The following RANBP2 variants were observed in gnomAD, a reference collection of about 807,000 sequenced individuals.
RANBP2 encodes the protein E3 SUMO-protein ligase RanBP2.
Under a neutral mutation model 303.6 loss-of-function variants are expected in RANBP2, and 57 were observed. That is an observed-to-expected ratio of 0.19 (90% CI 0.15 to 0.23). The LOEUF (loss-of-function observed/expected upper bound fraction) is 0.23, where lower values mean the gene tolerates loss of function less well. RANBP2 is among the 10% of genes least tolerant of loss of function. The pLI is 1.00. For missense variants in RANBP2, 3,138 were observed against 3,780.8 expected (o/e 0.83, Z 4.46); for synonymous variants, 1,167 against 1,301.5 (o/e 0.90, Z 2.23).
the RANBP2 span, among the ~76,000 whole-genome samples, chr2:109,623,375 G>A: frequency 6.6e-6 from 1 of 152,126 alleles, no homozygotes; most frequent in Non-Finnish European, 1.5e-5. Flanking sequence ...TCTCCAGAGG[G>A]GATATCTCAG....
chr2:108,771,327 C>A (rs1242886884), intron 20 of RANBP2, among the ~76,000 whole-genome samples: 1 of 152,006 alleles, frequency 6.6e-6, no homozygotes, highest in Admixed American at 6.6e-5. Context: ...TCAATTGCTG[C>A]AAATGCATGG....
the RANBP2 span, among the ~76,000 whole-genome samples, chr2:109,525,050 C>G: frequency 0.046 from 7,009 of 151,350 alleles, 552 homozygotes; most frequent in African/African-American, 0.16. Flanking sequence ...AACACTTTCC[C>G]ATGGTGGGCA....
the RANBP2 span, among the ~76,000 whole-genome samples, chr2:108,899,516 C>T: frequency 6.6e-6 from 1 of 152,166 alleles, no homozygotes; most frequent in Non-Finnish European, 1.5e-5. Context: ...AATATGGGCA[C>T]ATACAATAGA....
the RANBP2 span, among the ~76,000 whole-genome samples, chr2:109,587,734 A>G: frequency 3.0e-4 from 45 of 152,290 alleles, no homozygotes; most frequent in Non-Finnish European, 5.9e-4. Context: ...TAACACGGTG[A>G]AACCCTGTGT....
the RANBP2 span, among the ~76,000 whole-genome samples, chr2:108,930,524 A>C: frequency 6.6e-6 from 1 of 152,114 alleles, no homozygotes; most frequent in African/African-American, 2.4e-5. Flanking sequence ...AGTTCTCCTC[A>C]TCAACGCACT....
At chr2:109,054,784 C>A in the RANBP2 span, among the ~76,000 whole-genome samples, 34 of 152,044 alleles carry the variant, frequency 2.2e-4, no homozygotes, top group African/African-American at 8.2e-4. Flanking sequence ...AGACGTGGAG[C>A]GTTCCCATCA....
At chr2:108,910,357 C>G in the RANBP2 span, 20 of 939,722 alleles carry the variant, frequency 2.1e-5, 1 homozygote, top group South Asian at 2.7e-4. Flanking sequence ...CCCATAGTGT[C>G]CCAGGCTAGC....
rs781381296 is a variant in RANBP2 at position 108,755,213 on chromosome 2, A to G, written c.2420A>G (p.Gln807Arg). The change falls in exon 17 of 29, where the codon CAG (glutamine) becomes CGG (arginine). Residue 807 changes from glutamine (Q) to arginine (R), a missense_variant. By Grantham distance (43) the Gln-to-Arg change is conservative. Around this residue, in one of 20 missense-constraint regions of RANBP2, gnomAD observed 194 missense variants for 197.4 expected, o/e 0.98. Transcript: ENST00000283195. ...PKTPPRWAEDQNSLLKMICQQ... is the reference protein window; with the variant it reads ...PKTPPRWAEDRNSLLKMICQQ... ...ACACCACCTCGATGGGCAGAAGATC[A>G]GAATTCTTTACTGAAAATGATTTGC... 4.3e-6 allele frequency: 7 copies of G among 1,611,848 alleles called. No individual in the cohort carries two copies. The highest frequency in any genetic ancestry group is 4.0e-5 in the African/African-American group (3 of 74,828).
At chr2:109,570,791 G>A in the RANBP2 span, among the ~76,000 whole-genome samples, 8 of 151,904 alleles carry the variant, frequency 5.3e-5, no homozygotes, top group Admixed American at 5.3e-4. Flanking sequence ...GAAAGTGCTG[G>A]GATTACAAGC....
chr2:108,801,944 T>A, the RANBP2 span, among the ~76,000 whole-genome samples: 1 of 57,002 alleles, frequency 1.8e-5, no homozygotes, highest in East Asian at 1.0e-3. Flanking sequence ...GTTGTAGGTA[T>A]GCGGCGTTAT....
At chr2:108,791,421 A>G in the RANBP2 span, 1 of 461,804 alleles carries the variant, frequency 2.2e-6, no homozygotes, top group Non-Finnish European at 4.1e-6. Context: ...GCTGTAGAAT[A>G]TACCACAGGT....
the RANBP2 span, among the ~76,000 whole-genome samples, chr2:108,981,496 C>T: frequency 6.6e-6 from 1 of 152,210 alleles, no homozygotes; most frequent in Admixed American, 6.5e-5. Flanking sequence ...ATTTTCCGCT[C>T]TAGCTCCCAG....
At chr2:109,389,501 T>A in the RANBP2 span, among the ~76,000 whole-genome samples, 1 of 152,136 alleles carries the variant, frequency 6.6e-6, no homozygotes, top group Admixed American at 6.5e-5. Context: ...ATGCCAATAT[T>A]TATTCTATTC....
the RANBP2 span, among the ~76,000 whole-genome samples, chr2:109,352,885 A>G: frequency 1.3e-5 from 2 of 152,252 alleles, no homozygotes; most frequent in African/African-American, 4.8e-5. Flanking sequence ...AACTGCACAG[A>G]TAACCGTTTT....
chr2:108,827,124 T>G, the RANBP2 span, among the ~76,000 whole-genome samples: 1 of 152,182 alleles, frequency 6.6e-6, no homozygotes, highest in African/African-American at 2.4e-5. Flanking sequence ...TATTTAACAT[T>G]ATTCTAAAGC....
At chr2:109,692,242 G>T in the RANBP2 span, among the ~76,000 whole-genome samples, 1 of 150,536 alleles carries the variant, frequency 6.6e-6, no homozygotes, top group African/African-American at 2.4e-5. Context: ...AACTGTCTCT[G>T]ATAGGCAAAC....
At chr2:108,821,098 C>G in the RANBP2 span, among the ~76,000 whole-genome samples, 1 of 152,310 alleles carries the variant, frequency 6.6e-6, no homozygotes, top group Admixed American at 6.5e-5. Flanking sequence ...TGGCTCACGC[C>G]TGTAATCCTA....
At chr2:109,463,051 T>G in the RANBP2 span, among the ~76,000 whole-genome samples, 2 of 152,212 alleles carry the variant, frequency 1.3e-5, no homozygotes, top group Non-Finnish European at 2.9e-5. Context: ...CTGGGGTCTT[T>G]CCTCAAGAAG....
the RANBP2 span, among the ~76,000 whole-genome samples, chr2:109,731,755 T>C: frequency 6.6e-6 from 1 of 152,166 alleles, no homozygotes; most frequent in Non-Finnish European, 1.5e-5. Context: ...CCCAAAGTGC[T>C]GGGATTACAG....
Sources: allele counts gnomAD v4.1 joint callset (sites outside exome capture counted in the v4.1 genomes callset), GRCh38; gene constraint gnomAD v4.1.1; regional missense constraint gnomAD v4.1.1; transcripts MANE v1.5; gene names NCBI Gene and HGNC (gene_info 2026-07-23, HGNC 2026-07-21).